The following CYP2A6 variants were observed in gnomAD, a reference collection of about 807,000 sequenced individuals.
CYP2A6 encodes cytochrome P450 family 2 subfamily A member 6.
In CYP2A6, 27 loss-of-function variants were observed where a neutral mutation model predicts 42.3. The observed-to-expected ratio is 0.64, with a 90% CI of 0.47 to 0.88. CYP2A6 has a LOEUF of 0.88. Among genes scored for constraint, CYP2A6 ranks in the 40% least tolerant of loss-of-function variants. CYP2A6 has a pLI of 0.00. For missense variants in CYP2A6, 628 were observed against 646.0 expected, an observed-to-expected ratio of 0.97 and a Z score of 0.30; for synonymous variants, 238 against 246.3, an observed-to-expected ratio of 0.97 and a Z score of 0.31.
At chr19:40,846,566 T>A (rs1365760462) in intron 5 of CYP2A6, among the ~76,000 whole-genome samples, 1 of 151,308 alleles carries the variant, frequency 6.6e-6, no homozygotes, top group Non-Finnish European at 1.5e-5. Context: ...AATGCCGTGA[T>A]CTTGGCTCAT....
chr19:40,844,697 G>T lies in CYP2A6; in HGVS notation c.1237C>A (p.Pro413Thr), dbSNP rs773175336. The T allele has an allele frequency of 6.2e-7, 1 of 1,611,790 alleles. No individual in the cohort carries two copies. The highest frequency in any genetic ancestry group is 8.5e-7 in the Non-Finnish European group (1 of 1,179,914). The change falls in exon 8 of 9, where the codon CCC becomes ACC. Residue 413 changes from proline (P) to threonine (T), a missense_variant. Pro to Thr is a conservative substitution (Grantham distance 38). Around this residue, in one of 2 missense-constraint regions of CYP2A6, gnomAD observed 606 missense variants for 568.1 expected, o/e 1.07. Transcript: ENST00000301141. ...CCCTTCTCATTCAGGAAGTGCTGGG[G>T]ATTGAAGTCCTGGGGGTTGGAGAAG... ...SFFSNPQDFN[P>T]QHFLNEKGQF...
In CYP2A6 at chr19:40,848,569, G is replaced by T. The variant is rs374657291; in HGVS notation, c.493+45C>A. 411 of 1,602,846 alleles carry T rather than the reference G, an allele frequency of 2.6e-4. 7 individuals are homozygous for T. The South Asian group carries it at 3.8e-3, about 15-fold the overall frequency. ...GAACGCGCGCGGGTTCCTCGTCCTG[G>T]GTGTTTTCCTTCTCCTGCCCCCGCA... On this transcript the variant is annotated intron_variant, in intron 3 of 8. Coordinates refer to ENST00000301141, the MANE Select transcript of CYP2A6 (RefSeq NM_000762.6).
chr19:40,844,017 T>C, intron 8 of CYP2A6, 40 bp from the exon 9 acceptor site: 1 of 1,555,384 alleles, frequency 6.4e-7, no homozygotes, highest in South Asian at 1.2e-5. Context: ...TGAAGCCCAC[T>C]CTCAGTGCAG....
chr19:40,844,520 A>G (rs2083445539), intron 8 of CYP2A6, 111 bp downstream of exon 8: 2 of 1,584,140 alleles, frequency 1.3e-6, no homozygotes, highest in Non-Finnish European at 1.7e-6. Context: ...AGATTCTAAC[A>G]GGAACTTCCA....
Position 40,845,458 on chromosome 19 carries a change from T to C in CYP2A6, c.997A>G (p.Arg333Gly). The change falls in exon 7 of 9, where the codon AGA (arginine) becomes GGA (glycine). Residue 333 changes from arginine (R) to glycine (G), a missense_variant. This residue lies in a region of CYP2A6 where 606 missense variants were observed against 568.1 expected (regional missense o/e 1.07). Transcript: ENST00000301141. Reference protein sequence around the residue: ...VEAKVHEEIDRVIGKNRQPKF... With the variant: ...VEAKVHEEIDGVIGKNRQPKF... ...GGCTGCCGGTTCTTGCCGATCACTC[T>C]GTCAATCTCCTCATGGACCTTGGCT... 2 of 1,611,834 alleles carry C rather than the reference T, an allele frequency of 1.2e-6. No individual in the cohort carries two copies. The highest frequency in any genetic ancestry group is 1.7e-6 in the Non-Finnish European group (2 of 1,179,916).
rs747024492 is a variant in CYP2A6, at chr19:40,849,926, C to T, written c.235G>A (p.Val79Met). The stretch of plus-strand genomic sequence containing the variant: ...ACGGCATCATGTCCACACAGCACCA[C>T]GACCCGCCGGGGCCCCAAGTGAATG... The part of the protein sequence containing the change: ...FTIHLGPRRV[V>M]VLCGHDAVRE... The change falls in exon 2 of 9, where the codon GTG becomes ATG. Residue 79 changes from valine to methionine, a missense_variant. By Grantham distance (21) the Val-to-Met change is conservative. Coordinates refer to ENST00000301141, the MANE Select transcript of CYP2A6 (RefSeq NM_000762.6). 6.2e-6 allele frequency: 10 copies of T among 1,611,444 alleles called. No homozygotes were observed. The highest frequency in any genetic ancestry group is 1.3e-5 in the African/African-American group (1 of 74,608).
At chr19:40,849,233 G>C (rs1305245636) in intron 2 of CYP2A6, among the ~76,000 whole-genome samples, 3 of 151,056 alleles carry the variant, frequency 2.0e-5, no homozygotes, top group Non-Finnish European at 4.4e-5. Flanking sequence ...GAAGAGGATG[G>C]AGGGAGGGGA....
rs550145221 is a variant in CYP2A6, at chr19:40,844,791, T to G, written c.1162-19A>C. 2.4e-4 allele frequency: 390 copies of G among 1,604,690 alleles called. 40 individuals carry two copies. The East Asian group carries it at 7.5e-3, about 31-fold the overall frequency. Reference sequence around the variant, plus strand: ...CGGTGCCCTGGTAGGGAGGAGGAAGTTGTGTGTGATGAGGAGGGTCGGGGG... The same window carrying G: ...CGGTGCCCTGGTAGGGAGGAGGAAGGTGTGTGTGATGAGGAGGGTCGGGGG... On this transcript the variant is annotated intron_variant, in intron 7 of 8. Transcript: ENST00000301141.
At position 40,849,933 on chromosome 19, in the gene CYP2A6, C is replaced by A. The variant is rs201833760; in HGVS notation, c.228G>T (p.Arg76=). The change falls in exon 2 of 9, where the codon CGG becomes CGT. Residue 76 remains arginine, a synonymous_variant. Coordinates refer to ENST00000301141, the MANE Select transcript of CYP2A6 (RefSeq NM_000762.6). ...CATGTCCACACAGCACCACGACCCGCCGGGGCCCCAAGTGAATGGTGAACA... is the reference window on the plus strand; with the variant it reads ...CATGTCCACACAGCACCACGACCCGACGGGGCCCCAAGTGAATGGTGAACA... ...GPVFTIHLGP[R]RVVVLCGHDA... 1.9e-6 allele frequency: 3 copies of A among 1,611,566 alleles called. No individual in the cohort carries two copies. The highest frequency in any genetic ancestry group is 2.5e-6 in the Non-Finnish European group (3 of 1,179,720).
chr19:40,850,051 C>A, intron 1 of CYP2A6, 71 bp from the exon 2 acceptor site: 1 of 1,587,716 alleles, frequency 6.3e-7, no homozygotes, highest in South Asian at 1.1e-5. Context: ...ACCGAGATGT[C>A]ATGTGCTGGG....
chr19:40,850,176 C>G (rs1455149365), intron 1 of CYP2A6, 71 bp downstream of exon 1: 2 of 1,569,254 alleles, frequency 1.3e-6, no homozygotes, highest in Admixed American at 1.7e-5. Flanking sequence ...ACTGGTCAAC[C>G]CCCTGCCACA....
At position 40,849,910 on chromosome 19, in the gene CYP2A6, T is replaced by G. The variant is rs755862580; in HGVS notation, c.251A>C (p.His84Pro). 5.6e-6 allele frequency: 9 copies of G among 1,611,450 alleles called. No homozygotes were observed. Among genetic ancestry groups the G allele is most frequent in the Non-Finnish European group, 7.6e-6 (9 of 1,179,738 alleles). The change falls in exon 2 of 9, where the codon CAT (histidine) becomes CCT (proline). Residue 84 changes from histidine (H) to proline (P), a missense_variant. Transcript: ENST00000301141. ...CACCAGAGCCTCCCTGACGGCATCA[T>G]GTCCACACAGCACCACGACCCGCCG... ...GPRRVVVLCG[H>P]DAVREALVDQ...
chr19:40,845,943 C>G lies in CYP2A6; in HGVS notation c.973+13G>C. On this transcript the variant is annotated intron_variant, in intron 6 of 8. Transcript: ENST00000301141. ...GTCTGGGGCCCTCCACTTCCGTCCC[C>G]CTCCAGCCTTACCCTCCACCTCTGG... 6.2e-7 allele frequency: 1 copy of G among 1,609,984 alleles called. No individual in the cohort carries two copies. Among genetic ancestry groups the G allele is most frequent in the Non-Finnish European group, 8.5e-7 (1 of 1,179,276 alleles).
intron 4 of CYP2A6, among the ~76,000 whole-genome samples, chr19:40,847,876 T>C (rs1357619119): frequency 6.6e-6 from 1 of 151,592 alleles, no homozygotes; most frequent in East Asian, 2.0e-4. Flanking sequence ...TGTCCAGGTG[T>C]TAAAATATTC....
At chr19:40,849,325 T>C (rs76834270) in intron 2 of CYP2A6, among the ~76,000 whole-genome samples, 3 of 150,210 alleles carry the variant, frequency 2.0e-5, no homozygotes, top group South Asian at 2.1e-4. Flanking sequence ...GAGAAAAATA[T>C]TGAGATAGAA....
chr19:40,848,769 G>C lies in CYP2A6; in HGVS notation c.344-6C>G. 1.9e-6 allele frequency: 3 copies of C among 1,610,526 alleles called. No individual in the cohort carries two copies. The highest frequency in any genetic ancestry group is 2.5e-6 in the Non-Finnish European group (3 of 1,179,548). On this transcript the variant is annotated splice_polypyrimidine_tract_variant and splice_region_variant and intron_variant, in intron 2 of 8. Coordinates refer to ENST00000301141, the MANE Select transcript of CYP2A6 (RefSeq NM_000762.6). ...CCCGTTGCTGAATACCACGCCTGGG[G>C]AGGTGAACGCGGGAATGGAGACAGG...
chr19:40,849,498 C>T (rs1259902229), intron 2 of CYP2A6, among the ~76,000 whole-genome samples: 2 of 151,130 alleles, frequency 1.3e-5, no homozygotes, highest in Admixed American at 6.6e-5. Context: ...GACAAAAAGA[C>T]AAATGAAGAC....
chr19:40,850,233 C>T lies in CYP2A6; in HGVS notation c.180+14G>A, dbSNP rs369561609. 1.2e-6 allele frequency: 2 copies of T among 1,602,786 alleles called. No individual in the cohort carries two copies. Among genetic ancestry groups the T allele is most frequent in the East Asian group, 2.3e-5 (1 of 43,292 alleles). On this transcript the variant is annotated intron_variant, in intron 1 of 8. Transcript: ENST00000301141. ...CCCCCACCCCGTGCCACCCATCTCCCTGCCTTGGGACACCTTCATGAGGGA... is the reference window on the plus strand; with the variant it reads ...CCCCCACCCCGTGCCACCCATCTCCTTGCCTTGGGACACCTTCATGAGGGA...
intron 8 of CYP2A6, among the ~76,000 whole-genome samples, 176 bp downstream of exon 8, chr19:40,844,455 G>T (rs1262516873): frequency 6.6e-6 from 1 of 151,364 alleles, no homozygotes; most frequent in East Asian, 2.0e-4. Context: ...TTTTACCTGG[G>T]CGCAGGTACT....
Sources: gnomAD v4.1 joint callset for allele counts (sites outside exome capture counted in the v4.1 genomes callset) on GRCh38, gnomAD v4.1.1 for gene constraint, gnomAD v4.1.1 regional missense constraint, MANE v1.5 for transcripts, NCBI Gene and HGNC (gene_info 2026-07-23, HGNC 2026-07-21) for gene names.